ZNF730: variants seen among roughly 807,000 people sequenced by gnomAD.
ZNF730 encodes the protein putative zinc finger protein 730.
A neutral mutation model predicts 12.6 loss-of-function variants in ZNF730; 12 were observed. The observed-to-expected ratio is 0.95, with a 90% CI of 0.61 to 1.54. ZNF730 has a LOEUF of 1.54. ZNF730 is among the 40% of genes most tolerant of loss of function. ZNF730 has a pLI of 0.00. For synonymous variants in ZNF730, 194 were observed against 195.8 expected, an observed-to-expected ratio of 0.99 and a Z score of 0.08; for missense variants, 643 against 583.5, an observed-to-expected ratio of 1.10 and a Z score of -1.05.
intron 1 of ZNF730, chr19:23,127,959 C>T: frequency 1.4e-6 from 1 of 721,966 alleles, no homozygotes; most frequent in East Asian, 2.5e-5. Context: ...ATTGTACTGG[C>T]CTGCTGCTGG....
At chr19:23,116,174 C>A (rs7507929), upstream of ZNF730, among the ~76,000 whole-genome samples, 142,506 of 152,230 alleles carry the variant, frequency 0.94, 66,859 homozygotes, top group Admixed American at 0.96. Context: ...ATTGGAGGTC[C>A]AGACTGTGGA....
chr19:23,131,881 C>CT (rs1458678160), intron 1 of ZNF730, among the ~76,000 whole-genome samples: 2 of 152,070 alleles, frequency 1.3e-5, no homozygotes, highest in Admixed American at 6.6e-5. Context: ...TCATGTGACT[C>CT]TAAGTTGAGG....
chr19:23,092,398 C>T (rs539589865), intron 1 of ZNF730, among the ~76,000 whole-genome samples: 39 of 148,182 alleles, frequency 2.6e-4, no homozygotes, highest in Non-Finnish European at 4.6e-4. Context: ...AGTTCGAGAC[C>T]AGCCTGATGA....
chr19:23,079,447 G>A (rs1431499890), intron 1 of ZNF730, among the ~76,000 whole-genome samples: 3 of 152,156 alleles, frequency 2.0e-5, no homozygotes, highest in African/African-American at 4.8e-5. Flanking sequence ...CATAGCCACC[G>A]CGCCCGGCCT....
At chr19:23,094,349 T>C (rs940480376) in intron 1 of ZNF730, among the ~76,000 whole-genome samples, 21 of 147,264 alleles carry the variant, frequency 1.4e-4, no homozygotes, top group African/African-American at 3.6e-4. Context: ...TGAGCCACCA[T>C]GCCTGGCTCT....
intron 1 of ZNF730, among the ~76,000 whole-genome samples, chr19:23,109,871 A>T (rs1970440978): frequency 6.6e-6 from 1 of 151,644 alleles, no homozygotes; most frequent in Non-Finnish European, 1.5e-5. Flanking sequence ...CTAAAAATCT[A>T]ATTTATCTGA....
chr19:23,121,240 A>T lies in ZNF730; in HGVS notation c.3+4064A>T, dbSNP rs79760527. On this transcript the variant is annotated intron_variant, in intron 1 of 3. Coordinates refer to ENST00000597761, the MANE Select transcript of ZNF730 (RefSeq NM_001277403.2). ...ATTTGGTCAAGCATTTAGTTCTGAT[A>T]TCTTTGTTAATTTTCTGCCTCAGTG... Among the ~76,000 whole-genome samples, 1,225 of 152,244 alleles carry T rather than the reference A, an allele frequency of 8.0e-3. 25 individuals are homozygous for T. The highest frequency in any genetic ancestry group is 0.028 in the African/African-American group (1,171 of 41,546).
chr19:23,102,206 C>G (rs963226200), intron 1 of ZNF730, among the ~76,000 whole-genome samples: 1 of 152,138 alleles, frequency 6.6e-6, no homozygotes, highest in Non-Finnish European at 1.5e-5. Flanking sequence ...GTAACTGGGC[C>G]TTGACCACAG....
At chr19:23,132,090 T>C (rs1442774552) in intron 1 of ZNF730, among the ~76,000 whole-genome samples, 1 of 152,154 alleles carries the variant, frequency 6.6e-6, no homozygotes. Flanking sequence ...GAGAAACATA[T>C]TTTTACATCT....
chr19:23,109,390 A>G (rs1180945159), intron 1 of ZNF730, among the ~76,000 whole-genome samples: 1 of 150,278 alleles, frequency 6.7e-6, no homozygotes, highest in African/African-American at 2.4e-5. Context: ...CACCACGCCC[A>G]GCTAATTTTT....
At chr19:23,136,782 G>A (rs1215722746) in intron 3 of ZNF730, among the ~76,000 whole-genome samples, 3 of 147,766 alleles carry the variant, frequency 2.0e-5, no homozygotes, top group Non-Finnish European at 4.5e-5. Context: ...AAAGTTTATT[G>A]TAGTTTCATG....
In ZNF730 at chr19:23,145,683, C is replaced by T. The variant is rs751349047; in HGVS notation, c.639C>T (p.Ser213=). 27 of 1,556,182 alleles carry T rather than the reference C, an allele frequency of 1.7e-5. No individual in the cohort carries two copies. Among genetic ancestry groups the T allele is most frequent in the Admixed American group, 5.8e-5 (3 of 51,526 alleles). Residue 213 remains serine, a synonymous_variant, in exon 4 of 4, where the codon TCC becomes TCT. Coordinates refer to ENST00000597761, the MANE Select transcript of ZNF730 (RefSeq NM_001277403.2). The stretch of plus-strand genomic sequence containing the variant: ...AATATGGCAAAGCCTTTAATGAGTC[C>T]TCAAACTGTACTACACATAAAAGAA... ...CEEYGKAFNE[S]SNCTTHKRIT...
At chr19:23,135,628 G>C (rs1031056179) in intron 2 of ZNF730, among the ~76,000 whole-genome samples, 4 of 151,298 alleles carry the variant, frequency 2.6e-5, no homozygotes, top group Non-Finnish European at 5.9e-5. Flanking sequence ...CTCCTGCCTC[G>C]GCCTCTTGAG....
chr19:23,133,327 GT>G (rs1233706312), intron 1 of ZNF730, among the ~76,000 whole-genome samples: 1 of 150,672 alleles, frequency 6.6e-6, no homozygotes, highest in Non-Finnish European at 1.5e-5. Context: ...GTCATCTTGT[GT>G]TTTTTTTGTT....
At chr19:23,130,632 A>G (rs1437620137) in intron 1 of ZNF730, among the ~76,000 whole-genome samples, 1 of 151,962 alleles carries the variant, frequency 6.6e-6, no homozygotes, top group African/African-American at 2.4e-5. Flanking sequence ...CTAAAAATAC[A>G]TATTCATCTT....
At chr19:23,081,310 A>G (rs1048613737) in intron 1 of ZNF730, among the ~76,000 whole-genome samples, 4 of 150,816 alleles carry the variant, frequency 2.7e-5, no homozygotes, top group East Asian at 4.0e-4. Context: ...ACTCCCAGCT[A>G]ATTTTTGTTT....
chr19:23,084,959 A>G (rs1970032922), intron 1 of ZNF730, among the ~76,000 whole-genome samples: 1 of 152,152 alleles, frequency 6.6e-6, no homozygotes, highest in Non-Finnish European at 1.5e-5. Flanking sequence ...AAGAATTTAT[A>G]TTCTTTTAGC....
intron 1 of ZNF730, among the ~76,000 whole-genome samples, chr19:23,081,840 C>G (rs892231743): frequency 7.9e-5 from 12 of 152,170 alleles, no homozygotes; most frequent in Non-Finnish European, 1.5e-4. Context: ...CTCACTGTAA[C>G]CCCAAACTCG....
intron 2 of ZNF730, 150 bp downstream of exon 2, chr19:23,134,356 C>A: frequency 1.6e-6 from 1 of 634,006 alleles, no homozygotes; most frequent in Non-Finnish European, 2.4e-6. Context: ...GCCCCTCTGC[C>A]CGGCCAGCCG....
Sources: gnomAD v4.1 joint callset for allele counts (sites outside exome capture counted in the v4.1 genomes callset) on GRCh38, gnomAD v4.1.1 for gene constraint, MANE v1.5 for transcripts, NCBI Gene and HGNC (gene_info 2026-07-23, HGNC 2026-07-21) for gene names.